The following BRD10 variants were observed in gnomAD, a reference collection of about 807,000 sequenced individuals.
The protein encoded by BRD10 is uncharacterized bromodomain-containing protein 10.
At chr9:5,943,689 G>C in the BRD10 span, among the ~76,000 whole-genome samples, 1 of 152,012 alleles carries the variant, frequency 6.6e-6, no homozygotes, top group Non-Finnish European at 1.5e-5. Flanking sequence ...AAGTGTATAC[G>C]TATAAAAATA....
chr9:5,973,334 G>A, the BRD10 span, among the ~76,000 whole-genome samples: 44 of 152,216 alleles, frequency 2.9e-4, no homozygotes, highest in Middle Eastern at 0.01. Context: ...GGGCGTAGTG[G>A]TACACGCCTG....
chr9:5,922,864 T>A, the BRD10 span: 2 of 1,614,012 alleles, frequency 1.2e-6, no homozygotes, highest in South Asian at 2.2e-5. Flanking sequence ...TCGGGCTTGC[T>A]TCCGGAGGAG....
At chr9:5,926,278 C>T in the BRD10 span, among the ~76,000 whole-genome samples, 1 of 152,026 alleles carries the variant, frequency 6.6e-6, no homozygotes, top group African/African-American at 2.4e-5. Context: ...TAAGTCCTAC[C>T]TCTGTCACTT....
At chr9:5,929,117 T>C in the BRD10 span, 16 of 1,607,608 alleles carry the variant, frequency 1.0e-5, no homozygotes, top group East Asian at 2.7e-4. Context: ...ATCAATGTAC[T>C]ATGTAATTCT....
chr9:5,956,802 T>C, the BRD10 span, among the ~76,000 whole-genome samples: 2 of 152,298 alleles, frequency 1.3e-5, no homozygotes, highest in East Asian at 3.9e-4. Context: ...AGTACTGTAA[T>C]TGTCTGTTCT....
the BRD10 span, among the ~76,000 whole-genome samples, chr9:5,970,194 T>C: frequency 1.3e-5 from 2 of 152,140 alleles, no homozygotes; most frequent in African/African-American, 4.8e-5. Context: ...TCGAGTTTTA[T>C]ATAAGAAAAA....
the BRD10 span, among the ~76,000 whole-genome samples, chr9:5,956,854 G>C: frequency 6.6e-6 from 1 of 152,048 alleles, no homozygotes; most frequent in African/African-American, 2.4e-5. Context: ...ATTGGTGACA[G>C]AAATCACATT....
At chr9:5,980,136 A>G in the BRD10 span, among the ~76,000 whole-genome samples, 2 of 152,164 alleles carry the variant, frequency 1.3e-5, no homozygotes, top group South Asian at 4.1e-4. Flanking sequence ...GGTCATCATT[A>G]TAAACAGAAT....
the BRD10 span, among the ~76,000 whole-genome samples, chr9:5,930,901 AG>A: frequency 6.6e-6 from 1 of 152,242 alleles, no homozygotes; most frequent in Non-Finnish European, 1.5e-5. Flanking sequence ...ACTTTCATCT[AG>A]AAAAAGTGAA....
At chr9:5,973,199 G>A in the BRD10 span, among the ~76,000 whole-genome samples, 1 of 152,222 alleles carries the variant, frequency 6.6e-6, no homozygotes, top group South Asian at 2.1e-4. Flanking sequence ...GGGCCCTGTG[G>A]CTCGTGCCTG....
At chr9:5,961,958 T>A in the BRD10 span, among the ~76,000 whole-genome samples, 1 of 30,292 alleles carries the variant, frequency 3.3e-5, no homozygotes, top group African/African-American at 6.0e-5. Context: ...TTTTGAAGGG[T>A]TTTTTGTGTC....
chr9:5,899,375 C>T, the BRD10 span: 1 of 152,144 alleles, frequency 6.6e-6, no homozygotes, highest in Non-Finnish European at 1.5e-5. Flanking sequence ...TGGGCAGTCT[C>T]ATGTCTCATG....
chr9:5,891,357 T>C, the BRD10 span: 1 of 152,228 alleles, frequency 6.6e-6, no homozygotes, highest in African/African-American at 2.4e-5. Context: ...TTCTGTCATT[T>C]TGAACACAGG....
At chr9:5,975,086 G>A in the BRD10 span, among the ~76,000 whole-genome samples, 1 of 152,020 alleles carries the variant, frequency 6.6e-6, no homozygotes, top group African/African-American at 2.4e-5. Flanking sequence ...GCAGAAAAAT[G>A]ACCCATGATG....
chr9:5,935,659 A>G, the BRD10 span, among the ~76,000 whole-genome samples: 1 of 152,248 alleles, frequency 6.6e-6, no homozygotes, highest in Non-Finnish European at 1.5e-5. Context: ...AGCACAATCT[A>G]AACCACAAAG....
At chr9:6,008,091 C>CG in the BRD10 span, 2 of 984,464 alleles carry the variant, frequency 2.0e-6, no homozygotes, top group African/African-American at 3.5e-5. Context: ...CTCCGCACCC[C>CG]GCCCGCCTGC....
the BRD10 span, among the ~76,000 whole-genome samples, chr9:5,996,158 A>T: frequency 3.3e-5 from 5 of 152,222 alleles, no homozygotes; most frequent in Admixed American, 6.5e-5. Context: ...AACAACAGTA[A>T]ATAAATACAT....
chr9:5,983,134 G>A, the BRD10 span, among the ~76,000 whole-genome samples: 3 of 152,034 alleles, frequency 2.0e-5, no homozygotes, highest in Non-Finnish European at 2.9e-5. Flanking sequence ...GTAGCAATTC[G>A]GACAGCCACA....
chr9:5,972,873 A>G, the BRD10 span, among the ~76,000 whole-genome samples: 1 of 152,176 alleles, frequency 6.6e-6, no homozygotes, highest in African/African-American at 2.4e-5. Flanking sequence ...GAGTATCTTT[A>G]ATATACTCAG....
Sources: allele counts gnomAD v4.1 joint callset (sites outside exome capture counted in the v4.1 genomes callset), GRCh38; gene constraint gnomAD v4.1.1; transcripts MANE v1.5; gene names NCBI Gene and HGNC (gene_info 2026-07-23, HGNC 2026-07-21).